Variants in SPOCK3 observed in about 807,000 individuals in gnomAD.
SPOCK3 encodes the protein SPARC (osteonectin), cwcv and kazal like domains proteoglycan 3.
SPOCK3 carries 30 observed loss-of-function variants against 56.6 expected under a neutral mutation model. That is an observed-to-expected ratio of 0.53 (90% CI 0.40 to 0.72). The LOEUF is 0.72. SPOCK3 is among the 30% of genes least tolerant of loss of function. The pLI, the probability that SPOCK3 is intolerant of heterozygous loss-of-function variation, is 0.00. For missense variants in SPOCK3, 527 were observed against 530.0 expected (o/e 0.99, Z 0.06); for synonymous variants, 196 against 183.3 (o/e 1.07, Z -0.56).
chr4:166,835,344 G>T (rs1746499199), intron 6 of SPOCK3, among the ~76,000 whole-genome samples: 1 of 152,098 alleles, frequency 6.6e-6, no homozygotes, highest in African/African-American at 2.4e-5. Context: ...AATGACATCA[G>T]CATTTTGTTA....
At chr4:166,907,373 A>G (rs147520897) in intron 5 of SPOCK3, among the ~76,000 whole-genome samples, 1,811 of 152,204 alleles carry the variant, frequency 0.012, 26 homozygotes, top group Middle Eastern at 0.017. Context: ...GCCTCTATTC[A>G]AAGGCACCAG....
chr4:167,113,498 T>C (rs927963937), intron 2 of SPOCK3, among the ~76,000 whole-genome samples: 6 of 151,958 alleles, frequency 3.9e-5, no homozygotes, highest in Non-Finnish European at 7.4e-5. Context: ...TAAAACACCA[T>C]CTAATTATCA....
chr4:166,992,722 A>T (rs1426817110), intron 4 of SPOCK3, among the ~76,000 whole-genome samples: 3 of 85,958 alleles, frequency 3.5e-5, no homozygotes, highest in African/African-American at 8.8e-5. Flanking sequence ...AACCTTCATT[A>T]ATATCCAATT....
intron 2 of SPOCK3, among the ~76,000 whole-genome samples, chr4:167,109,384 T>C (rs1276906447): frequency 4.0e-5 from 1 of 24,858 alleles, no homozygotes; most frequent in Non-Finnish European, 8.9e-5. Flanking sequence ...TTATATAAAA[T>C]ATATAAATAT....
At chr4:167,176,168 A>G (rs964882876) in intron 2 of SPOCK3, among the ~76,000 whole-genome samples, 23 of 152,096 alleles carry the variant, frequency 1.5e-4, no homozygotes, top group African/African-American at 4.8e-4. Flanking sequence ...CCTCCCTTTT[A>G]TCATGACCCT....
intron 6 of SPOCK3, among the ~76,000 whole-genome samples, chr4:166,814,940 T>C (rs1027683055): frequency 1.3e-5 from 2 of 152,048 alleles, no homozygotes; most frequent in African/African-American, 4.8e-5. Context: ...CCCTCAGTTA[T>C]TTAGGGATGG....
In SPOCK3 at chr4:166,734,949, C is replaced by G. The variant is rs372786935; in HGVS notation, c.1274G>C (p.Gly425Ala). Residue 425 changes from glycine (G) to alanine (A), a missense_variant, in exon 11 of 11, where the codon GGT becomes GCT. Physicochemically the swap from Gly to Ala is moderately conservative, Grantham distance 60 (BLOSUM62 0). Coordinates refer to ENST00000357545, the MANE Select transcript of SPOCK3 (RefSeq NM_001040159.2). ...DDEDEGDDDD[G>A]GDDHDVYI The stretch of plus-strand genomic sequence containing the variant: ...AATGTATACATCATGGTCATCACCA[C>G]CATCATCATCATCCCCTTCATCTTC... 1.3e-6 allele frequency: 2 copies of G among 1,539,790 alleles called. No homozygotes were observed. Among genetic ancestry groups the G allele is most frequent in the African/African-American group, 2.7e-5 (2 of 73,704 alleles).
intron 6 of SPOCK3, among the ~76,000 whole-genome samples, chr4:166,793,844 A>C (rs1222198188): frequency 5.9e-5 from 9 of 152,180 alleles, no homozygotes; most frequent in African/African-American, 2.2e-4. Flanking sequence ...AAGGTAAAGA[A>C]ATTTTTACAT....
rs1218410932 is a variant in SPOCK3 at position 166,752,567 on chromosome 4, TATATATACACAC to T, written c.931+1929_931+1940del. Reference sequence around the variant, plus strand: ...CTATATGTGTGTATATATATATATATATATATACACACACACACACACACACACACACACACA... The same window carrying T: ...CTATATGTGTGTATATATATATATATACACACACACACACACACACACACA... On this transcript the variant is annotated intron_variant, in intron 8 of 10. Transcript: ENST00000357545. Among the ~76,000 whole-genome samples, 333 of 111,366 alleles carry T rather than the reference TATATATACACAC, an allele frequency of 3.0e-3. 3 individuals are homozygous for T. In the East Asian group the frequency reaches 0.067, roughly 22 times the overall value. The allele number at this position is 111,366 out of a possible 152,430, so 73.1% of individuals were successfully genotyped here.
chr4:166,825,219 A>AT (rs1745332931), intron 6 of SPOCK3, among the ~76,000 whole-genome samples: 1 of 152,054 alleles, frequency 6.6e-6, no homozygotes, highest in African/African-American at 2.4e-5. Context: ...TCTTGCCCTA[A>AT]TTTTACCGTA....
intron 2 of SPOCK3, among the ~76,000 whole-genome samples, chr4:167,108,622 G>A (rs747511132): frequency 6.6e-5 from 10 of 151,466 alleles, no homozygotes; most frequent in African/African-American, 1.2e-4. Context: ...TTGAACTATG[G>A]AAAGAGAGAG....
chr4:166,975,361 A>G (rs1745832905), intron 4 of SPOCK3, among the ~76,000 whole-genome samples: 1 of 152,102 alleles, frequency 6.6e-6, no homozygotes, highest in South Asian at 2.1e-4. Flanking sequence ...AAAATTTTTA[A>G]TGTTTAATTT....
At chr4:167,134,813 T>C (rs1314943226) in intron 2 of SPOCK3, among the ~76,000 whole-genome samples, 1 of 152,082 alleles carries the variant, frequency 6.6e-6, no homozygotes, top group African/African-American at 2.4e-5. Context: ...AAAAGTCATG[T>C]AAAAAGATAT....
chr4:167,089,413 G>T (rs959106936), intron 2 of SPOCK3, among the ~76,000 whole-genome samples: 2 of 151,796 alleles, frequency 1.3e-5, no homozygotes, highest in East Asian at 3.9e-4. Context: ...ATCAGTTTTT[G>T]CTCTGTTTTC....
intron 2 of SPOCK3, among the ~76,000 whole-genome samples, chr4:167,214,512 C>T (rs895147446): frequency 6.6e-6 from 1 of 152,070 alleles, no homozygotes; most frequent in Non-Finnish European, 1.5e-5. Flanking sequence ...ACTTAATATA[C>T]ATTAGATTAT....
chr4:166,737,131 TAG>T (rs1179628703), intron 10 of SPOCK3, among the ~76,000 whole-genome samples: 5 of 152,048 alleles, frequency 3.3e-5, no homozygotes, highest in Non-Finnish European at 1.5e-5. Context: ...ACACGATAAA[TAG>T]AGTTTATTGA....
intron 4 of SPOCK3, among the ~76,000 whole-genome samples, chr4:166,913,094 C>T (rs1357331709): frequency 6.6e-6 from 1 of 152,076 alleles, no homozygotes; most frequent in Non-Finnish European, 1.5e-5. Flanking sequence ...TTCTTAAAAG[C>T]CATCCTCATG....
chr4:167,232,770 T>C (rs1023314325), intron 2 of SPOCK3, among the ~76,000 whole-genome samples: 4 of 152,232 alleles, frequency 2.6e-5, no homozygotes, highest in Admixed American at 2.0e-4. Flanking sequence ...TGGCTAAACC[T>C]AATTTTAAAG....
chr4:166,842,898 C>A (rs2126839367), intron 6 of SPOCK3, among the ~76,000 whole-genome samples: 1 of 152,320 alleles, frequency 6.6e-6, no homozygotes, highest in African/African-American at 2.4e-5. Flanking sequence ...GGATGGTGCC[C>A]ATCGAGGGGG....
Sources: allele counts gnomAD v4.1 joint callset (sites outside exome capture counted in the v4.1 genomes callset), GRCh38; gene constraint gnomAD v4.1.1; transcripts MANE v1.5; gene names NCBI Gene and HGNC (gene_info 2026-07-23, HGNC 2026-07-21).